Variants in ZNF141 observed in about 807,000 individuals in gnomAD.
ZNF141 encodes zinc finger protein 141 (clone pHZ-44).
Under a neutral mutation model 11.3 loss-of-function variants are expected in ZNF141, and 7 were observed. That is an observed-to-expected ratio of 0.62 (90% CI 0.35 to 1.16). The LOEUF (loss-of-function observed/expected upper bound fraction) is 1.16, where lower values mean the gene tolerates loss of function less well. ZNF141 is among the 50% of genes most tolerant of loss of function. The pLI is 0.02. For synonymous variants in ZNF141, 183 were observed against 190.7 expected (o/e 0.96, Z 0.33); for missense variants, 535 against 554.0 (o/e 0.97, Z 0.34).
intron 3 of ZNF141, among the ~76,000 whole-genome samples, chr4:369,767 T>TTATA (rs1711963673): frequency 1.5e-5 from 1 of 66,278 alleles, no homozygotes; most frequent in Non-Finnish European, 3.1e-5. Context: ...TATATATATT[T>TTATA]TTTTTTTTTT....
chr4:373,739 AT>A lies in ZNF141; in HGVS notation c.1306del (p.Ser436ArgfsTer3), dbSNP rs1289052318. 1 of 1,613,966 alleles carries A rather than the reference AT, an allele frequency of 6.2e-7. No individual in the cohort carries two copies. Among genetic ancestry groups the A allele is most frequent in the Non-Finnish European group, 8.5e-7 (1 of 1,180,004 alleles). On this transcript the variant is annotated frameshift_variant, in exon 4 of 4. Transcript: ENST00000240499. LOFTEE classifies it low-confidence loss of function (END_TRUNC). Reference sequence around the variant, plus strand: ...AAGAATGTGACAAAGCCTTTAAACAATTTTCGCTCCTGAGTCAACATAAGAA... The same window carrying A: ...AAGAATGTGACAAAGCCTTTAAACAATTTCGCTCCTGAGTCAACATAAGAA... ...CKECDKAFKQ[F>X]SLLSQHKKIH...
rs1553853935 is a variant in ZNF141 at position 373,332 on chromosome 4, GC to G, written c.897del (p.Lys300AsnfsTer55). The G allele has an allele frequency of 6.2e-7, 1 of 1,610,626 alleles. No homozygotes were observed. Among genetic ancestry groups the G allele is most frequent in the South Asian group, 1.1e-5 (1 of 90,834 alleles). On this transcript the variant is annotated frameshift_variant, in exon 4 of 4. Coordinates refer to ENST00000240499, the MANE Select transcript of ZNF141 (RefSeq NM_003441.4). LOFTEE classifies it low-confidence loss of function (END_TRUNC). ...RKIFTSSSNFAKHKRIHTGEK... is the reference protein window; with the variant it reads ...RKIFTSSSNFXKHKRIHTGEK... ...AATCTTTACCTCATCCTCAAACTTTGCCAAACATAAGCGAATTCATACTGGA... is the reference window on the plus strand; with the variant it reads ...AATCTTTACCTCATCCTCAAACTTTGCAAACATAAGCGAATTCATACTGGA...
Position 377,605 on chromosome 4 carries a change from T to G in ZNF141, c.*3743T>G, listed in dbSNP as rs188732116. 2.1e-3 allele frequency among the ~76,000 whole-genome samples: 316 copies of G among 152,234 alleles called. No individual in the cohort carries two copies. The highest frequency in any genetic ancestry group is 3.7e-3 in the Non-Finnish European group (253 of 68,010). ...GTGGACTTTAGGTTAACTGGGGTGT[T>G]TGAGGTTATTTATAGGTTATCAGTG... On this transcript the variant is annotated 3_prime_UTR_variant, in exon 4 of 4. Transcript: ENST00000240499.
chr4:361,231 A>C (rs1553852090), intron 3 of ZNF141, among the ~76,000 whole-genome samples: 1 of 152,054 alleles, frequency 6.6e-6, no homozygotes, highest in African/African-American at 2.4e-5. Context: ...TCCTCTCTTC[A>C]GCTCTTGGAA....
Position 374,330 on chromosome 4 carries a change from C to G in ZNF141, c.*468C>G, listed in dbSNP as rs559609630. 86 of 324,904 alleles carry G rather than the reference C, an allele frequency of 2.6e-4. No homozygotes were observed. The highest frequency in any genetic ancestry group is 7.1e-4 in the Admixed American group (19 of 26,948). The allele number at this position is 324,904 out of a possible 1,614,324, so 20.1% of individuals were successfully genotyped here. On this transcript the variant is annotated 3_prime_UTR_variant, in exon 4 of 4. Transcript: ENST00000240499. ...GCAAAGCCTTTAAATGGTCCTCAAC[C>G]CTTAATGAACGTAAGTGAATTCATG...
rs782326066 is a variant in ZNF141, at chr4:378,570, A to G, written c.*4708A>G. Among the ~76,000 whole-genome samples, 1 of 152,074 alleles carries G rather than the reference A, an allele frequency of 6.6e-6. No individual in the cohort carries two copies. The highest frequency in any genetic ancestry group is 1.5e-5 in the Non-Finnish European group (1 of 68,022). On this transcript the variant is annotated 3_prime_UTR_variant, in exon 4 of 4. Coordinates refer to ENST00000240499, the MANE Select transcript of ZNF141 (RefSeq NM_003441.4). Reference sequence around the variant, plus strand: ...GGCATGAGCCACCGTGCCTGGCCAGAATATTATATCTTTGAGTGTGAATGT... The same window carrying G: ...GGCATGAGCCACCGTGCCTGGCCAGGATATTATATCTTTGAGTGTGAATGT...
At chr4:357,418 C>CA (rs565649782) in intron 3 of ZNF141, among the ~76,000 whole-genome samples, 2,902 of 93,192 alleles carry the variant, frequency 0.031, 39 homozygotes, top group African/African-American at 0.053. Flanking sequence ...GACTCTGTCT[C>CA]AAAAAAAAAA....
chr4:348,324 G>C (rs73217600), intron 3 of ZNF141, among the ~76,000 whole-genome samples: 3,284 of 152,014 alleles, frequency 0.022, 47 homozygotes, highest in Middle Eastern at 0.058. Context: ...TTATTGCCGA[G>C]ACCAATATCA....
intron 3 of ZNF141, among the ~76,000 whole-genome samples, chr4:352,963 T>C (rs1721674855): frequency 6.6e-6 from 1 of 152,182 alleles, no homozygotes; most frequent in African/African-American, 2.4e-5. Flanking sequence ...GAACTGGGTC[T>C]GAACTTGTGG....
chr4:344,388 C>T lies in ZNF141; in HGVS notation c.184C>T (p.Pro62Ser), dbSNP rs1287979466. 1.2e-6 allele frequency: 2 copies of T among 1,608,320 alleles called. No individual in the cohort carries two copies. Among genetic ancestry groups the T allele is most frequent in the East Asian group, 2.2e-5 (1 of 44,748 alleles). The change falls in exon 3 of 4, where the codon CCC becomes TCC. Residue 62 changes from proline to serine, a missense_variant. Transcript: ENST00000240499. ...CACCTGTCTGGAGCAAAGAAAAGAGCCCTACAATGTGAAGATACATAAGAT... is the reference window on the plus strand; with the variant it reads ...CACCTGTCTGGAGCAAAGAAAAGAGTCCTACAATGTGAAGATACATAAGAT... ...LVTCLEQRKEPYNVKIHKIVA... is the reference protein window; with the variant it reads ...LVTCLEQRKESYNVKIHKIVA...
At chr4:365,506 A>G (rs1553852831) in intron 3 of ZNF141, among the ~76,000 whole-genome samples, 1 of 145,398 alleles carries the variant, frequency 6.9e-6, no homozygotes, top group Non-Finnish European at 1.6e-5. Flanking sequence ...ATTGTGTGTT[A>G]TTTTTGTTGT....
chr4:379,462 C>T lies in ZNF141; in HGVS notation c.*5600C>T, dbSNP rs1712520855. On this transcript the variant is annotated 3_prime_UTR_variant, in exon 4 of 4. Transcript: ENST00000240499. ...CGATCTCAGCTCACTGCAACCTCCGCCTCTCAGGTTCAGGCGATTCTCCTG... is the reference window on the plus strand; with the variant it reads ...CGATCTCAGCTCACTGCAACCTCCGTCTCTCAGGTTCAGGCGATTCTCCTG... 6.6e-6 allele frequency among the ~76,000 whole-genome samples: 1 copy of T among 152,196 alleles called. No homozygotes were observed. The highest frequency in any genetic ancestry group is 1.5e-5 in the Non-Finnish European group (1 of 68,054).
chr4:351,302 C>T (rs1240925759), intron 3 of ZNF141, among the ~76,000 whole-genome samples: 1 of 150,958 alleles, frequency 6.6e-6, no homozygotes, highest in East Asian at 2.0e-4. Context: ...GGCGCGATCT[C>T]GGCTCACTGC....
At chr4:338,097 C>T (rs1720877021) in intron 1 of ZNF141, 111 bp downstream of exon 1, 2 of 1,481,052 alleles carry the variant, frequency 1.4e-6, no homozygotes, top group Non-Finnish European at 1.9e-6. Context: ...GCCGCTCAGC[C>T]CTGGGGCCTC....
rs145502841 is a variant in ZNF141, at chr4:373,826, C to G, written c.1389C>G (p.Phe463Leu). 10 of 1,610,366 alleles carry G rather than the reference C, an allele frequency of 6.2e-6. No homozygotes were observed. In the East Asian group the frequency reaches 2.0e-4, roughly 32 times the overall value. ...CKDCDKAFKR[F>L]SHLNKHKKIH... ...ATTGTGACAAAGCCTTTAAACGGTT[C>G]TCACACCTGAATAAACATAAGAAAA... Residue 463 changes from phenylalanine (F) to leucine (L), a missense_variant, in exon 4 of 4, where the codon TTC (phenylalanine) becomes TTG (leucine). Coordinates refer to ENST00000240499, the MANE Select transcript of ZNF141 (RefSeq NM_003441.4).
intron 3 of ZNF141, among the ~76,000 whole-genome samples, chr4:368,333 CCAGGTT>C (rs2108722424): frequency 6.6e-6 from 1 of 152,194 alleles, no homozygotes; most frequent in Admixed American, 6.5e-5. Flanking sequence ...CCTCCACGTC[CCAGGTT>C]CAAGCAATTC....
intron 3 of ZNF141, among the ~76,000 whole-genome samples, chr4:367,519 C>CT (rs782804343): frequency 0.02 from 2,843 of 140,976 alleles, 34 homozygotes; most frequent in Middle Eastern, 0.049. Context: ...ACTTTACAAT[C>CT]TTTTTTTTTT....
intron 3 of ZNF141, chr4:358,201 TTTA>T (rs1553851522): frequency 2.2e-5 from 9 of 408,782 alleles, no homozygotes; most frequent in Admixed American, 6.2e-5. Flanking sequence ...TTTTTTTTTT[TTTA>T]AAGATGGAGT....
intron 3 of ZNF141, among the ~76,000 whole-genome samples, chr4:346,997 A>G (rs1422770018): frequency 9.3e-5 from 14 of 151,006 alleles, no homozygotes; most frequent in African/African-American, 2.9e-4. Flanking sequence ...TAGTATGCCC[A>G]GAAGTGGTAT....
Sources: allele counts gnomAD v4.1 joint callset (sites outside exome capture counted in the v4.1 genomes callset), GRCh38; gene constraint gnomAD v4.1.1; transcripts MANE v1.5; gene names NCBI Gene and HGNC (gene_info 2026-07-23, HGNC 2026-07-21).